TMEM135: variants seen among roughly 807,000 people sequenced by gnomAD.
TMEM135 encodes the protein peroxisomal membrane protein 52.
In TMEM135, 30 loss-of-function variants were observed where a neutral mutation model predicts 60.3. The observed-to-expected ratio is 0.50, with a 90% confidence interval of 0.37 to 0.68. The LOEUF (loss-of-function observed/expected upper bound fraction) is 0.68, where lower values mean the gene tolerates loss of function less well. Ranked by LOEUF, TMEM135 falls within the 30% of genes least tolerant of loss-of-function variation. The pLI, the probability that TMEM135 is intolerant of heterozygous loss-of-function variation, is 0.00. For missense variants in TMEM135, 468 were observed against 548.8 expected, an observed-to-expected ratio of 0.85 and a Z score of 1.47; for synonymous variants, 190 against 186.7, an observed-to-expected ratio of 1.02 and a Z score of -0.14.
chr11:87,134,443 G>A (rs899786053), intron 4 of TMEM135, among the ~76,000 whole-genome samples: 1 of 152,124 alleles, frequency 6.6e-6, no homozygotes, highest in Admixed American at 6.6e-5. Flanking sequence ...GCTCACAGTG[G>A]AGGTTATATG....
At chr11:87,140,506 T>C (rs1445412571) in intron 4 of TMEM135, among the ~76,000 whole-genome samples, 1 of 152,222 alleles carries the variant, frequency 6.6e-6, no homozygotes, top group Non-Finnish European at 1.5e-5. Context: ...ATGTTATAGT[T>C]ACAAAGGTAG....
chr11:87,067,397 A>G (rs991154795), intron 1 of TMEM135, among the ~76,000 whole-genome samples: 1 of 151,862 alleles, frequency 6.6e-6, no homozygotes, highest in African/African-American at 2.4e-5. Flanking sequence ...ATTTAAAAAT[A>G]TATTCCATTT....
In TMEM135 at chr11:87,130,166, A is replaced by AT. The variant is rs57192191; in HGVS notation, c.397-27162dup. On this transcript the variant is annotated intron_variant, in intron 4 of 14. Transcript: ENST00000305494. ...GAGTCTTGAGGGTACCAGTTCCAGC[A>AT]TTTTTTTTTTTTTAAGTAAATTACA... Among the ~76,000 whole-genome samples the AT allele has an allele frequency of 8.8e-3, 1,286 of 146,742 alleles. 15 individuals are homozygous for AT. The highest frequency in any genetic ancestry group is 0.029 in the African/African-American group (1,170 of 40,010).
intron 6 of TMEM135, among the ~76,000 whole-genome samples, chr11:87,242,047 T>A (rs1248702206): frequency 1.4e-5 from 2 of 147,874 alleles, no homozygotes; most frequent in Non-Finnish European, 3.0e-5. Flanking sequence ...TTCCCCTTCC[T>A]GTGTCCATGT....
chr11:87,202,012 A>ATGTTATGTT lies in TMEM135; in HGVS notation c.463-34626_463-34625insTGTTATGTT, dbSNP rs1565484440. Reference sequence around the variant, plus strand: ...TATGTTATGTTATGTTATGTTATGTAATGTTATGTTATGTTTTACGTTATG... The same window carrying ATGTTATGTT: ...TATGTTATGTTATGTTATGTTATGTATGTTATGTTATGTTATGTTATGTTTTACGTTATG... On this transcript the variant is annotated intron_variant, in intron 5 of 14. Coordinates refer to ENST00000305494, the MANE Select transcript of TMEM135 (RefSeq NM_022918.4). 3.9e-3 allele frequency among the ~76,000 whole-genome samples: 95 copies of ATGTTATGTT among 24,136 alleles called. 1 individual carries two copies. The highest frequency in any genetic ancestry group is 0.016 in the East Asian group (20 of 1,240). The allele number at this position is 24,136 out of a possible 152,430, so 15.8% of individuals were successfully genotyped here.
intron 5 of TMEM135, among the ~76,000 whole-genome samples, chr11:87,162,655 A>G (rs1176250668): frequency 6.6e-6 from 1 of 152,110 alleles, no homozygotes; most frequent in Non-Finnish European, 1.5e-5. Flanking sequence ...AGTCTTTGCT[A>G]TTGTGAACAG....
chr11:87,107,190 G>T (rs1218799267), intron 4 of TMEM135, among the ~76,000 whole-genome samples: 1 of 152,092 alleles, frequency 6.6e-6, no homozygotes, highest in Non-Finnish European at 1.5e-5. Flanking sequence ...TCATGATTCA[G>T]TCTTGGTAGG....
At chr11:87,314,773 G>C (rs1414433628) in intron 12 of TMEM135, among the ~76,000 whole-genome samples, 2 of 151,700 alleles carry the variant, frequency 1.3e-5, no homozygotes, top group East Asian at 3.9e-4. Context: ...CCATCATGCA[G>C]CTTCAACAGT....
chr11:87,054,156 G>A (rs550393933), intron 1 of TMEM135, among the ~76,000 whole-genome samples: 26 of 152,164 alleles, frequency 1.7e-4, no homozygotes, highest in Admixed American at 9.2e-4. Flanking sequence ...ATTTAGTGGC[G>A]GGGCAGGTTG....
chr11:87,120,116 C>CTTT (rs57519689), intron 4 of TMEM135, among the ~76,000 whole-genome samples: 8 of 112,812 alleles, frequency 7.1e-5, no homozygotes, highest in Non-Finnish European at 9.5e-5. Context: ...TCTTCTTCTT[C>CTTT]TTTTTTTTTT....
intron 7 of TMEM135, among the ~76,000 whole-genome samples, chr11:87,297,981 A>G (rs1942374870): frequency 6.6e-6 from 1 of 152,210 alleles, no homozygotes; most frequent in African/African-American, 2.4e-5. Context: ...AATGTTACTA[A>G]AAGCCAAATA....
chr11:87,244,085 C>G (rs1259914211), intron 6 of TMEM135, among the ~76,000 whole-genome samples: 5 of 84,276 alleles, frequency 5.9e-5, no homozygotes, highest in East Asian at 2.2e-4. Flanking sequence ...TGTCAAAGGC[C>G]TTTTCTGCAT....
intron 5 of TMEM135, among the ~76,000 whole-genome samples, chr11:87,173,012 A>G (rs1351819136): frequency 3.3e-5 from 5 of 151,928 alleles, no homozygotes; most frequent in Non-Finnish European, 4.4e-5. Context: ...GAAACCAAGC[A>G]TTTTCTTACT....
chr11:87,215,090 A>G (rs1241463104), intron 5 of TMEM135, among the ~76,000 whole-genome samples: 1 of 152,112 alleles, frequency 6.6e-6, no homozygotes, highest in Non-Finnish European at 1.5e-5. Flanking sequence ...AGAAGGTGTC[A>G]CATATTTCTT....
chr11:87,078,248 T>A (rs1400932379), intron 3 of TMEM135, among the ~76,000 whole-genome samples: 1 of 152,222 alleles, frequency 6.6e-6, no homozygotes. Context: ...CACTTGTTAT[T>A]ACATGTCTTT....
intron 9 of TMEM135, among the ~76,000 whole-genome samples, chr11:87,307,696 T>C (rs1232134389): frequency 6.6e-6 from 1 of 152,228 alleles, no homozygotes; most frequent in Admixed American, 6.5e-5. Context: ...AATGTAAAAC[T>C]ATTGGAGACC....
chr11:87,230,980 A>G (rs72955833), intron 5 of TMEM135, among the ~76,000 whole-genome samples: 163 of 152,218 alleles, frequency 1.1e-3, no homozygotes, highest in Admixed American at 2.7e-3. Flanking sequence ...AAACATGAAC[A>G]AAGTCTATGA....
intron 5 of TMEM135, among the ~76,000 whole-genome samples, chr11:87,223,903 T>C (rs1940709149): frequency 6.6e-6 from 1 of 152,074 alleles, no homozygotes. Flanking sequence ...GTTCAGGACC[T>C]TTTCTGACTG....
chr11:87,241,429 C>G (rs570230167), intron 6 of TMEM135, among the ~76,000 whole-genome samples: 39 of 152,082 alleles, frequency 2.6e-4, no homozygotes, highest in African/African-American at 8.0e-4. Context: ...TTGATACAGG[C>G]ATACAGTGCA....
Sources: allele counts gnomAD v4.1 joint callset (sites outside exome capture counted in the v4.1 genomes callset), GRCh38; gene constraint gnomAD v4.1.1; transcripts MANE v1.5; gene names NCBI Gene and HGNC (gene_info 2026-07-23, HGNC 2026-07-21).